CNTN5: variants seen among roughly 807,000 people sequenced by gnomAD.
CNTN5 encodes contactin 5.
A neutral mutation model predicts 129.1 loss-of-function variants in CNTN5; 77 were observed. The observed-to-expected ratio is 0.60, with a 90% CI of 0.50 to 0.72. The LOEUF (loss-of-function observed/expected upper bound fraction) is 0.72. Among genes scored for constraint, CNTN5 ranks in the 30% least tolerant of loss-of-function variants. CNTN5 has a pLI of 0.00. For synonymous variants in CNTN5, 509 were observed against 465.6 expected (o/e 1.09, Z -1.20); for missense variants, 1,478 against 1,328.8 (o/e 1.11, Z -1.75).
chr11:99,342,624 C>T (rs1027551255), intron 2 of CNTN5, among the ~76,000 whole-genome samples: 4 of 138,746 alleles, frequency 2.9e-5, no homozygotes, highest in Admixed American at 2.2e-4. Flanking sequence ...TGACACGTGC[C>T]TGTGATCCCA....
chr11:100,042,355 A>G (rs891573530), intron 9 of CNTN5, among the ~76,000 whole-genome samples: 5 of 152,000 alleles, frequency 3.3e-5, no homozygotes, highest in African/African-American at 9.7e-5. Flanking sequence ...TTCAGCTTCT[A>G]TCAAAGATAT....
chr11:99,300,578 T>C lies in CNTN5; in HGVS notation c.-209-24768T>C, dbSNP rs145571173. Among the ~76,000 whole-genome samples, 504 of 152,242 alleles carry C rather than the reference T, an allele frequency of 3.3e-3. 6 individuals are homozygous for C. Among genetic ancestry groups the C allele is most frequent in the African/African-American group, 0.012 (480 of 41,586 alleles). On this transcript the variant is annotated intron_variant, in intron 1 of 24. Transcript: ENST00000524871. ...TCAGGATATTTGCCTGTAGTTTCTT[T>C]TCAATGTGTTAAAAGAAAGACTATC...
chr11:99,371,002 C>G (rs922136201), intron 2 of CNTN5, among the ~76,000 whole-genome samples: 2 of 152,138 alleles, frequency 1.3e-5, no homozygotes, highest in Admixed American at 6.5e-5. Flanking sequence ...TGCTCCAGAT[C>G]GGGAATAGCT....
At chr11:99,746,859 A>G (rs1459381504) in intron 3 of CNTN5, among the ~76,000 whole-genome samples, 1 of 152,138 alleles carries the variant, frequency 6.6e-6, no homozygotes, top group Non-Finnish European at 1.5e-5. Context: ...AAGTAGTGTG[A>G]TGGCTTAGCT....
chr11:99,634,527 G>A (rs1399143713), intron 3 of CNTN5, among the ~76,000 whole-genome samples: 1 of 152,158 alleles, frequency 6.6e-6, no homozygotes, highest in Non-Finnish European at 1.5e-5. Context: ...ATATTTACTT[G>A]TATTTTAATC....
intron 2 of CNTN5, among the ~76,000 whole-genome samples, chr11:99,354,908 G>T (rs550488163): frequency 6.6e-6 from 1 of 152,064 alleles, no homozygotes; most frequent in Admixed American, 6.5e-5. Flanking sequence ...AGTTTCTGGC[G>T]CTCTTTCCAT....
chr11:100,136,592 A>C (rs530402112), intron 13 of CNTN5, among the ~76,000 whole-genome samples: 44 of 152,142 alleles, frequency 2.9e-4, no homozygotes, highest in Middle Eastern at 6.8e-3. Context: ...ATACAAAAAA[A>C]ATCATATGAA....
At chr11:99,653,430 T>C (rs148045644) in intron 3 of CNTN5, among the ~76,000 whole-genome samples, 1 of 152,040 alleles carries the variant, frequency 6.6e-6, no homozygotes, top group African/African-American at 2.4e-5. Flanking sequence ...ATTTTACATG[T>C]TCATAGCTCC....
intron 1 of CNTN5, among the ~76,000 whole-genome samples, chr11:99,140,363 T>G (rs1053912890): frequency 3.3e-5 from 5 of 152,118 alleles, no homozygotes; most frequent in Non-Finnish European, 7.4e-5. Flanking sequence ...CCTCCTACCC[T>G]CCATCCTTTG....
intron 7 of CNTN5, among the ~76,000 whole-genome samples, chr11:99,927,705 CACA>C (rs1373758758): frequency 2.6e-5 from 4 of 152,124 alleles, no homozygotes; most frequent in Admixed American, 2.6e-4. Flanking sequence ...AGGTCCCTCC[CACA>C]ACATGTGAGG....
chr11:99,705,576 G>A (rs535596312), intron 3 of CNTN5, among the ~76,000 whole-genome samples: 5 of 151,226 alleles, frequency 3.3e-5, no homozygotes, highest in Non-Finnish European at 7.4e-5. Flanking sequence ...TTTTACTTTT[G>A]TCAGGTTTGC....
At chr11:99,970,257 G>A (rs1951213300) in intron 8 of CNTN5, among the ~76,000 whole-genome samples, 1 of 152,096 alleles carries the variant, frequency 6.6e-6, no homozygotes, top group South Asian at 2.1e-4. Context: ...AAAACACACT[G>A]TCAAAAACAT....
chr11:99,730,739 A>G (rs1398292407), intron 3 of CNTN5, among the ~76,000 whole-genome samples: 2 of 152,250 alleles, frequency 1.3e-5, no homozygotes, highest in Non-Finnish European at 2.9e-5. Context: ...ACAATGTATA[A>G]TGGTCAAATC....
chr11:99,036,128 G>C (rs1458719902), intron 1 of CNTN5, among the ~76,000 whole-genome samples: 1 of 152,044 alleles, frequency 6.6e-6, no homozygotes, highest in Non-Finnish European at 1.5e-5. Flanking sequence ...TAGAGTTTCT[G>C]CCCATGGCTT....
At chr11:99,624,772 A>C (rs1363187101) in intron 3 of CNTN5, among the ~76,000 whole-genome samples, 1 of 152,150 alleles carries the variant, frequency 6.6e-6, no homozygotes, top group Non-Finnish European at 1.5e-5. Flanking sequence ...ATGGTGATAC[A>C]CTGTTGCATG....
intron 2 of CNTN5, among the ~76,000 whole-genome samples, chr11:99,520,049 G>A (rs777134256): frequency 6.6e-6 from 1 of 152,032 alleles, no homozygotes; most frequent in Non-Finnish European, 1.5e-5. Flanking sequence ...ATATTTAAAT[G>A]TTTTTATATA....
At chr11:100,144,639 T>C (rs1407100463) in intron 13 of CNTN5, among the ~76,000 whole-genome samples, 1 of 152,160 alleles carries the variant, frequency 6.6e-6, no homozygotes, top group Non-Finnish European at 1.5e-5. Flanking sequence ...GGAGTACCTG[T>C]TGCCAACCTA....
At chr11:99,400,903 T>G (rs1042619369) in intron 2 of CNTN5, among the ~76,000 whole-genome samples, 1 of 152,158 alleles carries the variant, frequency 6.6e-6, no homozygotes, top group African/African-American at 2.4e-5. Context: ...ATTCAAATGT[T>G]TTGCCCATTT....
At chr11:99,928,282 T>C (rs1221653617) in intron 7 of CNTN5, among the ~76,000 whole-genome samples, 1 of 152,144 alleles carries the variant, frequency 6.6e-6, no homozygotes, top group Non-Finnish European at 1.5e-5. Flanking sequence ...GTGGACCTAC[T>C]ATTCTGGGGT....
Sources: allele counts gnomAD v4.1 joint callset (sites outside exome capture counted in the v4.1 genomes callset), GRCh38; gene constraint gnomAD v4.1.1; transcripts MANE v1.5; gene names NCBI Gene and HGNC (gene_info 2026-07-23, HGNC 2026-07-21).